Variants in TRRAP observed in about 807,000 individuals in gnomAD.
TRRAP encodes the protein transformation/transcription domain associated protein.
Under a neutral mutation model 438.8 loss-of-function variants are expected in TRRAP, and 41 were observed. The ratio of observed to expected loss-of-function variants is 0.09; its 90% CI spans 0.07 to 0.12. The LOEUF is 0.12. Among genes scored for constraint, TRRAP ranks in the 10% least tolerant of loss-of-function variants. The probability of loss-of-function intolerance (pLI) is 1.00; values close to 1 mark genes in which losing one functional copy is unlikely to be tolerated. For synonymous variants in TRRAP, 1,994 were observed against 1,962.9 expected, an observed-to-expected ratio of 1.02 and a Z score of -0.42; for missense variants, 3,122 against 5,055.1, an observed-to-expected ratio of 0.62 and a Z score of 11.60.
chr7:99,004,860 C>T (rs1463544744), intron 68 of TRRAP, among the ~76,000 whole-genome samples: 1 of 152,166 alleles, frequency 6.6e-6, no homozygotes, highest in Non-Finnish European at 1.5e-5. Context: ...TTCTATATGT[C>T]CAGAGTTTAG....
intron 69 of TRRAP, among the ~76,000 whole-genome samples, chr7:99,007,251 TAGAC>T (rs780202606): frequency 5.3e-5 from 8 of 152,226 alleles, no homozygotes; most frequent in Non-Finnish European, 1.0e-4. Flanking sequence ...TTTGCATCAT[TAGAC>T]AGCAGCTGTC....
chr7:98,981,976 C>G lies in TRRAP; in HGVS notation c.8826+16C>G, dbSNP rs779509902. The G allele has an allele frequency of 7.1e-6, 11 of 1,555,340 alleles. No homozygotes were observed. Among genetic ancestry groups the G allele is most frequent in the Non-Finnish European group, 8.7e-6 (10 of 1,152,822 alleles). On this transcript the variant is annotated intron_variant, in intron 59 of 72. Coordinates refer to ENST00000456197, the MANE Select transcript of TRRAP (RefSeq NM_001375524.1). Reference sequence around the variant, plus strand: ...TCTCCTACAGGTGCGTGCGGTGCCCCCATGCGAGCACAGGCCTGTGGCCTG... The same window carrying G: ...TCTCCTACAGGTGCGTGCGGTGCCCGCATGCGAGCACAGGCCTGTGGCCTG...
rs535431936 is a variant in TRRAP, at chr7:98,950,759, C to G, written c.5335-117C>G. The G allele has an allele frequency of 6.6e-5, 84 of 1,278,918 alleles. No individual in the cohort carries two copies. The African/African-American group carries it at 1.2e-3, about 18-fold the overall frequency. The allele number at this position is 1,278,918 out of a possible 1,614,324, so 79.2% of individuals were successfully genotyped here. On this transcript the variant is annotated intron_variant, in intron 38 of 72. Transcript: ENST00000456197. ...AGGAGTCAAGGTTGGTAGTCACACC[C>G]TGGGTTGAGTTCCAACTTGATGGTG...
chr7:98,922,688 C>A (rs554294272), intron 21 of TRRAP, among the ~76,000 whole-genome samples: 1 of 152,054 alleles, frequency 6.6e-6, no homozygotes, highest in Non-Finnish European at 1.5e-5. Context: ...AGGATATTAT[C>A]GTAATGTTTG....
chr7:98,983,346 G>C lies in TRRAP; in HGVS notation c.8909G>C (p.Ser2970Thr). The C allele has an allele frequency of 2.5e-6, 4 of 1,614,228 alleles. No individual in the cohort carries two copies. Among genetic ancestry groups the C allele is most frequent in the Non-Finnish European group, 3.4e-6 (4 of 1,180,040 alleles). Residue 2970 changes from serine to threonine, a missense_variant, in exon 60 of 73, where the codon AGC becomes ACC. This residue lies in a region of TRRAP where 129 missense variants were observed against 279.2 expected (regional missense o/e 0.46). Coordinates refer to ENST00000456197, the MANE Select transcript of TRRAP (RefSeq NM_001375524.1). ...LQPTNLGRNN[S>T]LHDMKTVVKT... The stretch of plus-strand genomic sequence containing the variant: ...CCAACCAACCTGGGAAGGAACAACA[G>C]CCTGCACGACATGAAGACGGTGGTG...
At chr7:98,941,459 C>T (rs151084522) in intron 30 of TRRAP, among the ~76,000 whole-genome samples, 2 of 152,266 alleles carry the variant, frequency 1.3e-5, no homozygotes, top group East Asian at 1.9e-4. Flanking sequence ...AGTGAGCTAC[C>T]GCGCCTGGCC....
chr7:98,926,700 G>T (rs1554411624), intron 22 of TRRAP, among the ~76,000 whole-genome samples: 1 of 152,002 alleles, frequency 6.6e-6, no homozygotes, highest in Non-Finnish European at 1.5e-5. Flanking sequence ...ATGGGATGCA[G>T]CTAAAGTGAC....
intron 18 of TRRAP, among the ~76,000 whole-genome samples, chr7:98,914,887 A>G (rs1227273718): frequency 2.0e-5 from 3 of 152,056 alleles, no homozygotes; most frequent in Non-Finnish European, 4.4e-5. Context: ...TAAATTTGGA[A>G]CCATATCAGT....
Position 98,994,896 on chromosome 7 carries a change from GA to G in TRRAP, c.10309+49del. Reference sequence around the variant, plus strand: ...TTCCATAGGGAGAATTGTGCACGCTGATTTCCTCCGGCTTTAGTGTTGAAGC... The same window carrying G: ...TTCCATAGGGAGAATTGTGCACGCTGTTTCCTCCGGCTTTAGTGTTGAAGC... On this transcript the variant is annotated intron_variant, in intron 67 of 72. Coordinates refer to ENST00000456197, the MANE Select transcript of TRRAP (RefSeq NM_001375524.1). The surrounding 1 kb of genome is among the most constrained non-coding windows in gnomAD (Gnocchi z 4.8). 6.3e-7 allele frequency: 1 copy of G among 1,594,168 alleles called. No individual in the cohort carries two copies. The highest frequency in any genetic ancestry group is 8.6e-7 in the Non-Finnish European group (1 of 1,168,316).
intron 67 of TRRAP, chr7:98,998,912 G>T: frequency 2.1e-6 from 1 of 483,604 alleles, no homozygotes; most frequent in Non-Finnish European, 3.7e-6. Flanking sequence ...GAGGCCCCAT[G>T]GTAGGTCAGT....
In TRRAP at chr7:98,921,968, A is replaced by G. The variant is rs200935334; in HGVS notation, c.2823+15A>G. The G allele has an allele frequency of 2.5e-5, 40 of 1,614,170 alleles. No individual in the cohort carries two copies. Among genetic ancestry groups the G allele is most frequent in the Non-Finnish European group, 2.5e-5 (30 of 1,180,010 alleles). On this transcript the variant is annotated intron_variant, in intron 21 of 72. Coordinates refer to ENST00000456197, the MANE Select transcript of TRRAP (RefSeq NM_001375524.1). Reference sequence around the variant, plus strand: ...CCATGGAGAAGGTAAGCTCTGTGACAATGTCGTTTCGTTTTAAGCCTTGTG... The same window carrying G: ...CCATGGAGAAGGTAAGCTCTGTGACGATGTCGTTTCGTTTTAAGCCTTGTG...
chr7:98,882,884 C>A (rs1358169788), intron 3 of TRRAP, among the ~76,000 whole-genome samples: 4 of 152,238 alleles, frequency 2.6e-5, no homozygotes, highest in Non-Finnish European at 4.4e-5. Flanking sequence ...GCCTTGAACT[C>A]CTTACTTCAG....
chr7:98,949,992 A>G (rs1329070890), intron 37 of TRRAP, 72 bp from the exon 38 acceptor site: 1 of 1,598,264 alleles, frequency 6.3e-7, no homozygotes, highest in African/African-American at 1.3e-5. Context: ...AGCTGTTTAA[A>G]GGCAAGTCAG....
intron 20 of TRRAP, 50 bp from the exon 21 acceptor site, chr7:98,921,703 G>T (rs781896898): frequency 5.6e-6 from 9 of 1,607,646 alleles, no homozygotes; most frequent in Non-Finnish European, 6.0e-6. Flanking sequence ...TCCGAACCTC[G>T]TGAAGGCATT....
intron 28 of TRRAP, among the ~76,000 whole-genome samples, chr7:98,935,940 A>C (rs1326505199): frequency 6.6e-6 from 1 of 152,224 alleles, no homozygotes; most frequent in Admixed American, 6.5e-5. Context: ...GTTCTGGTTT[A>C]AAAGGATTGT....
At chr7:98,974,188 GGGT>G (rs1216149822) in intron 53 of TRRAP, among the ~76,000 whole-genome samples, 7 of 152,174 alleles carry the variant, frequency 4.6e-5, no homozygotes, top group African/African-American at 1.7e-4. Context: ...GGGTTGGAGA[GGGT>G]GGTGTCGTGT....
intron 21 of TRRAP, among the ~76,000 whole-genome samples, chr7:98,922,643 C>T (rs1192281441): frequency 3.3e-5 from 5 of 152,196 alleles, no homozygotes; most frequent in East Asian, 1.9e-4. Context: ...CTTTGCAGGA[C>T]ATCATCTAGC....
In TRRAP at chr7:98,908,812, G is replaced by A; in HGVS notation, c.1200G>A (p.Gln400=). The change falls in exon 14 of 73, where the codon CAG becomes CAA. Residue 400 remains glutamine (Q), a synonymous_variant. Coordinates refer to ENST00000456197, the MANE Select transcript of TRRAP (RefSeq NM_001375524.1). The surrounding 1 kb of genome is among the most constrained non-coding windows in gnomAD (Gnocchi z 4.1). ...TCAGCGACCTCTCCCTCGCCGTCCA[G>A]CTCTTCGCCAAGAACATCGACGATG... ...LPLSDLSLAV[Q]LFAKNIDDES... is the part of the protein sequence containing the mutation. 3.7e-6 allele frequency: 6 copies of A among 1,609,616 alleles called. No homozygotes were observed. The highest frequency in any genetic ancestry group is 5.1e-6 in the Non-Finnish European group (6 of 1,178,090).
In TRRAP at chr7:98,971,717, CAAG is replaced by C. The variant is rs1421847344; in HGVS notation, c.7693-78_7693-76del. On this transcript the variant is annotated intron_variant, in intron 52 of 72. Coordinates refer to ENST00000456197, the MANE Select transcript of TRRAP (RefSeq NM_001375524.1). ...AACACGAATTTTACCAAAATTGTAACAAGAAGCCTACAGGAGGTGTGTTTGTTG... is the reference window on the plus strand; with the variant it reads ...AACACGAATTTTACCAAAATTGTAACAAGCCTACAGGAGGTGTGTTTGTTG... 1.3e-5 allele frequency: 19 copies of C among 1,504,248 alleles called. 1 individual carries two copies. In the South Asian group the frequency reaches 1.6e-4, roughly 13 times the overall value. The allele number at this position is 1,504,248 out of a possible 1,614,324, so 93.2% of individuals were successfully genotyped here. A position where few individuals can be genotyped will look rare whatever the true frequency, so the allele number is the denominator to read the frequency against.
Sources: gnomAD v4.1 joint callset for allele counts (sites outside exome capture counted in the v4.1 genomes callset) on GRCh38, gnomAD v4.1.1 for gene constraint, gnomAD v4.1.1 regional missense constraint, Gnocchi (gnomAD v3.1) non-coding constraint, MANE v1.5 for transcripts, NCBI Gene and HGNC (gene_info 2026-07-23, HGNC 2026-07-21) for gene names.